Variants in BMPER observed in about 807,000 individuals in gnomAD.
BMPER encodes the protein BMP-binding endothelial regulator protein.
BMPER carries 45 observed loss-of-function variants against 87.3 expected under a neutral mutation model. The observed-to-expected ratio is 0.52, with a 90% CI of 0.41 to 0.66. BMPER has a LOEUF of 0.66. BMPER is among the 30% of genes least tolerant of loss of function. The probability of loss-of-function intolerance (pLI) is 0.00; values close to 1 mark genes in which losing one functional copy is unlikely to be tolerated. For synonymous variants in BMPER, 326 were observed against 316.2 expected (o/e 1.03, Z -0.33); for missense variants, 784 against 867.5 (o/e 0.90, Z 1.21).
At chr7:34,063,252 T>G (rs77737590) in intron 11 of BMPER, among the ~76,000 whole-genome samples, 3,577 of 152,312 alleles carry the variant, frequency 0.023, 161 homozygotes, top group African/African-American at 0.082. Flanking sequence ...TGAAAGCAGC[T>G]TTCACATGGG....
intron 13 of BMPER, among the ~76,000 whole-genome samples, chr7:34,102,207 C>A (rs1423056251): frequency 6.6e-6 from 1 of 152,084 alleles, no homozygotes; most frequent in Admixed American, 6.5e-5. Flanking sequence ...CATGGTCCTC[C>A]TCCCAGTTCC....
intron 7 of BMPER, among the ~76,000 whole-genome samples, 179 bp downstream of exon 7, chr7:34,046,584 G>A (rs561419269): frequency 4.9e-4 from 75 of 152,262 alleles, no homozygotes; most frequent in Non-Finnish European, 7.9e-4. Flanking sequence ...GCTTCTTAAC[G>A]GAGACCTCCA....
At chr7:33,978,448 T>G (rs1273648067) in intron 6 of BMPER, among the ~76,000 whole-genome samples, 1 of 152,236 alleles carries the variant, frequency 6.6e-6, no homozygotes, top group Non-Finnish European at 1.5e-5. Flanking sequence ...TTAGTCTTGC[T>G]GGGGAAAGTC....
chr7:33,987,799 A>G lies in BMPER; in HGVS notation c.576+13015A>G, dbSNP rs564075772. ...TACAAAACTATGTGAGGACTTCTTA[A>G]ACCTCTGACTATTGCTAGAATTAAA... On this transcript the variant is annotated intron_variant, in intron 6 of 14. Transcript: ENST00000649409. Among the ~76,000 whole-genome samples, 9 of 152,330 alleles carry G rather than the reference A, an allele frequency of 5.9e-5. No homozygotes were observed. In the South Asian group the frequency reaches 1.9e-3, roughly 32 times the overall value.
intron 3 of BMPER, among the ~76,000 whole-genome samples, chr7:33,946,743 G>C (rs973465022): frequency 9.2e-5 from 14 of 152,204 alleles, no homozygotes; most frequent in Non-Finnish European, 1.8e-4. Context: ...ATATTGAAAA[G>C]GCAATGGTAG....
intron 3 of BMPER, among the ~76,000 whole-genome samples, chr7:33,965,490 T>G (rs1785384031): frequency 6.6e-6 from 1 of 152,212 alleles, no homozygotes; most frequent in South Asian, 2.1e-4. Context: ...GAATTGAGGT[T>G]GATTAGCTTG....
In BMPER at chr7:34,063,323, C is replaced by G. The variant is rs533169050; in HGVS notation, c.1078+1276C>G. Among the ~76,000 whole-genome samples the G allele has an allele frequency of 2.0e-5, 3 of 152,058 alleles. No homozygotes were observed. In the East Asian group the frequency reaches 5.8e-4, roughly 29 times the overall value. On this transcript the variant is annotated intron_variant, in intron 11 of 14. Coordinates refer to ENST00000649409, the MANE Select transcript of BMPER (RefSeq NM_001365308.1). ...TTGATATTACTAGAATTACTAGACTCTGTTATTTTTTTAATTGATTAGTGC... is the reference window on the plus strand; with the variant it reads ...TTGATATTACTAGAATTACTAGACTGTGTTATTTTTTTAATTGATTAGTGC...
At chr7:33,951,979 T>C (rs1785038519) in intron 3 of BMPER, among the ~76,000 whole-genome samples, 1 of 152,090 alleles carries the variant, frequency 6.6e-6, no homozygotes. Context: ...TCCATAGAGG[T>C]TAAAAAAGAT....
chr7:33,935,620 AAG>A (rs371168169), intron 2 of BMPER, among the ~76,000 whole-genome samples: 11 of 149,372 alleles, frequency 7.4e-5, no homozygotes, highest in Non-Finnish European at 1.0e-4. Flanking sequence ...GAGAAGGAGA[AAG>A]AGAGAGAGAG....
intron 7 of BMPER, among the ~76,000 whole-genome samples, chr7:34,047,411 T>C (rs1433862336): frequency 6.6e-6 from 1 of 152,124 alleles, no homozygotes; most frequent in East Asian, 1.9e-4. Flanking sequence ...CCCAAGTAGC[T>C]GGGACTACAG....
intron 13 of BMPER, among the ~76,000 whole-genome samples, chr7:34,093,268 C>T (rs143349645): frequency 1.6e-3 from 237 of 152,342 alleles, no homozygotes; most frequent in African/African-American, 4.3e-3. Flanking sequence ...ATCCACTGGG[C>T]ATTGCCAACC....
intron 13 of BMPER, among the ~76,000 whole-genome samples, chr7:34,119,774 G>A (rs1026182871): frequency 3.9e-5 from 6 of 152,126 alleles, no homozygotes; most frequent in African/African-American, 1.2e-4. Context: ...ATTAAAAATT[G>A]GAGACCCTCA....
chr7:33,993,712 C>T (rs1037470630), intron 6 of BMPER, among the ~76,000 whole-genome samples: 8 of 152,074 alleles, frequency 5.3e-5, no homozygotes, highest in African/African-American at 1.9e-4. Context: ...TTAGAGTTTC[C>T]AGTTTTTCTG....
Position 34,086,195 on chromosome 7 carries a change from CA to C in BMPER, c.1745+107del, listed in dbSNP as rs1490862051. The stretch of plus-strand genomic sequence containing the variant: ...TCTCTTGTTGTGCAGGACAAAGGCT[CA>C]AAACCCAGGGTAGGCATCTTCTTGC... On this transcript the variant is annotated intron_variant, in intron 13 of 14. Transcript: ENST00000649409. The C allele has an allele frequency of 9.0e-6, 12 of 1,340,294 alleles. No homozygotes were observed. In the East Asian group the frequency reaches 2.0e-4, roughly 22 times the overall value. The allele number at this position is 1,340,294 out of a possible 1,614,324, so 83.0% of individuals were successfully genotyped here.
At chr7:33,936,865 A>C (rs1035421101) in intron 2 of BMPER, among the ~76,000 whole-genome samples, 1 of 152,200 alleles carries the variant, frequency 6.6e-6, no homozygotes, top group Non-Finnish European at 1.5e-5. Flanking sequence ...ACTATTAAGG[A>C]TTGTTGGACG....
chr7:33,939,903 G>A (rs1409326750), intron 3 of BMPER: 3 of 231,540 alleles, frequency 1.3e-5, no homozygotes, highest in African/African-American at 6.8e-5. Context: ...CCCTGGGGTG[G>A]ATGTTAATAT....
intron 3 of BMPER, among the ~76,000 whole-genome samples, chr7:33,964,193 T>C (rs932653541): frequency 5.3e-5 from 8 of 152,156 alleles, no homozygotes; most frequent in African/African-American, 1.9e-4. Context: ...GTCCTTTCTT[T>C]AATTATCTTT....
intron 2 of BMPER, among the ~76,000 whole-genome samples, chr7:33,917,262 C>T (rs1470472120): frequency 6.6e-6 from 1 of 152,202 alleles, no homozygotes; most frequent in Non-Finnish European, 1.5e-5. Flanking sequence ...GAAATCTTGA[C>T]ACAAGCCTTC....
intron 13 of BMPER, among the ~76,000 whole-genome samples, chr7:34,134,505 C>T (rs6961957): frequency 0.023 from 3,466 of 152,182 alleles, 122 homozygotes; most frequent in African/African-American, 0.078. Context: ...AGTGACAATT[C>T]AGCAAAAGTC....
Sources: allele counts gnomAD v4.1 joint callset (sites outside exome capture counted in the v4.1 genomes callset), GRCh38; gene constraint gnomAD v4.1.1; transcripts MANE v1.5; gene names NCBI Gene and HGNC (gene_info 2026-07-23, HGNC 2026-07-21).